The following SPART variants were observed in gnomAD, a reference collection of about 807,000 sequenced individuals.
The protein encoded by SPART is spartin.
SPART carries 35 observed loss-of-function variants against 58.7 expected under a neutral mutation model. The observed-to-expected ratio is 0.60, with a 90% CI of 0.46 to 0.79. The LOEUF is 0.79. Among genes scored for constraint, SPART ranks in the 30% least tolerant of loss-of-function variants. SPART has a pLI of 0.00. For missense variants in SPART, 730 were observed against 786.1 expected (o/e 0.93, Z 0.85); for synonymous variants, 284 against 280.7 (o/e 1.01, Z -0.12).
At chr13:36,325,841 T>G (rs1481721221) in intron 5 of SPART, 1 of 152,364 alleles carries the variant, frequency 6.6e-6, no homozygotes, top group African/African-American at 2.4e-5. Context: ...CTTCCAAAGA[T>G]GGATGAACAT....
intron 1 of SPART, among the ~76,000 whole-genome samples, chr13:36,358,408 A>G (rs1358104224): frequency 6.6e-6 from 1 of 152,230 alleles, no homozygotes; most frequent in African/African-American, 2.4e-5. Context: ...CATGACTAAT[A>G]TATGAAGAGG....
chr13:36,333,579 T>C (rs1046247552), intron 2 of SPART, among the ~76,000 whole-genome samples: 5 of 152,126 alleles, frequency 3.3e-5, no homozygotes, highest in Non-Finnish European at 7.4e-5. Flanking sequence ...ACTTTTCGTT[T>C]AGGACAAAAA....
At chr13:36,364,121 A>C (rs755074733) in intron 1 of SPART, among the ~76,000 whole-genome samples, 1 of 152,128 alleles carries the variant, frequency 6.6e-6, no homozygotes, top group Admixed American at 6.5e-5. Flanking sequence ...CCTGAACGCT[A>C]TTCCGTTTTC....
intron 1 of SPART, among the ~76,000 whole-genome samples, chr13:36,352,623 C>T (rs1885461361): frequency 6.6e-6 from 1 of 151,900 alleles, no homozygotes; most frequent in South Asian, 2.1e-4. Context: ...AAGATTTGCA[C>T]AAGTGGAGTA....
intron 5 of SPART, among the ~76,000 whole-genome samples, chr13:36,320,561 T>C (rs1394856267): frequency 6.6e-6 from 1 of 152,190 alleles, no homozygotes; most frequent in African/African-American, 2.4e-5. Context: ...AGGAAATAAC[T>C]TCTCAGTGTT....
At chr13:36,312,935 T>A (rs1273777769) in intron 6 of SPART, among the ~76,000 whole-genome samples, 2 of 151,780 alleles carry the variant, frequency 1.3e-5, no homozygotes, top group Admixed American at 6.6e-5. Flanking sequence ...TTCATATTTT[T>A]CTACTGATAA....
At chr13:36,354,100 T>C (rs1470384653) in intron 1 of SPART, among the ~76,000 whole-genome samples, 1 of 152,168 alleles carries the variant, frequency 6.6e-6, no homozygotes, top group Non-Finnish European at 1.5e-5. Context: ...CTTTAAACCA[T>C]GTCATTAAAA....
chr13:36,319,528 TCCC>T (rs1272283186), intron 5 of SPART, among the ~76,000 whole-genome samples: 1 of 151,746 alleles, frequency 6.6e-6, no homozygotes, highest in African/African-American at 2.4e-5. Flanking sequence ...TCCTTAAAAT[TCCC>T]CCATTTTACC....
chr13:36,335,597 T>C lies in SPART; in HGVS notation c.234A>G (p.Gln78=). Residue 78 remains glutamine (Q), a synonymous_variant, in exon 2 of 9, where the codon CAA becomes CAG. Transcript: ENST00000438666. ...TCTGTAGAGTTTCTTTCATTTTCTG[T>C]TGCATCTGTCTAGCAGATTCCCACC... ...GPGWESARQM[Q]QKMKETLQNV... is the part of the protein sequence containing the mutation. 1 of 1,613,654 alleles carries C rather than the reference T, an allele frequency of 6.2e-7. No individual in the cohort carries two copies. The highest frequency in any genetic ancestry group is 8.5e-7 in the Non-Finnish European group (1 of 1,179,884).
intron 1 of SPART, among the ~76,000 whole-genome samples, chr13:36,361,450 G>A (rs1351342128): frequency 5.9e-5 from 9 of 152,072 alleles, no homozygotes; most frequent in Non-Finnish European, 1.2e-4. Flanking sequence ...TGTTGCCCAG[G>A]CTGGAGTGCA....
At chr13:36,367,747 A>G (rs1234990272) in intron 1 of SPART, among the ~76,000 whole-genome samples, 2 of 152,200 alleles carry the variant, frequency 1.3e-5, no homozygotes, top group African/African-American at 2.4e-5. Context: ...AGCGGGAAGC[A>G]GGGCTTCTAT....
chr13:36,354,401 G>GT (rs576836187), intron 1 of SPART, among the ~76,000 whole-genome samples: 2 of 152,166 alleles, frequency 1.3e-5, no homozygotes, highest in Non-Finnish European at 2.9e-5. Context: ...GATAAGAATG[G>GT]TTTTTTTATG....
intron 1 of SPART, chr13:36,360,761 G>T (rs904825485): frequency 6.6e-6 from 1 of 152,658 alleles, no homozygotes; most frequent in African/African-American, 2.4e-5. Context: ...TTCTTCTCTT[G>T]CCCCCTTCCC....
chr13:36,353,328 C>A (rs1323025454), intron 1 of SPART, among the ~76,000 whole-genome samples: 2 of 152,172 alleles, frequency 1.3e-5, no homozygotes, highest in East Asian at 1.9e-4. Context: ...AGACTGTAAG[C>A]CCCTGGGGAG....
At chr13:36,329,211 T>C (rs914157529) in intron 4 of SPART, 151 bp downstream of exon 4, 1 of 819,384 alleles carries the variant, frequency 1.2e-6, no homozygotes. Context: ...ATACTACAAC[T>C]GATTCTAATT....
chr13:36,330,160 G>T (rs529596851), intron 3 of SPART, among the ~76,000 whole-genome samples: 1 of 152,270 alleles, frequency 6.6e-6, no homozygotes, highest in South Asian at 2.1e-4. Context: ...TCCAGTTAAC[G>T]TAGGGGTGAA....
At chr13:36,319,868 C>T (rs1321599362) in intron 5 of SPART, among the ~76,000 whole-genome samples, 1 of 151,654 alleles carries the variant, frequency 6.6e-6, no homozygotes, top group Non-Finnish European at 1.5e-5. Context: ...TCATCTGTTA[C>T]CTATCTCGGC....
intron 1 of SPART, chr13:36,369,649 C>T (rs1055651015): frequency 2.6e-5 from 4 of 152,186 alleles, no homozygotes; most frequent in African/African-American, 7.2e-5. Context: ...TTAATGCCCA[C>T]TGACTGCTTT....
At chr13:36,354,905 T>C (rs1043882793) in intron 1 of SPART, among the ~76,000 whole-genome samples, 4 of 152,190 alleles carry the variant, frequency 2.6e-5, no homozygotes, top group African/African-American at 9.7e-5. Context: ...CTTTTAATAA[T>C]AGCTGAAGAG....
Sources: gnomAD v4.1 joint callset for allele counts (sites outside exome capture counted in the v4.1 genomes callset) on GRCh38, gnomAD v4.1.1 for gene constraint, MANE v1.5 for transcripts, NCBI Gene and HGNC (gene_info 2026-07-23, HGNC 2026-07-21) for gene names.